NBAS: variants seen among roughly 807,000 people sequenced by gnomAD.
NBAS encodes NAG/BC035112 fusion.
NBAS carries 219 observed loss-of-function variants against 302.5 expected under a neutral mutation model. That is an observed-to-expected ratio of 0.72 (90% CI 0.65 to 0.81). The LOEUF is 0.81. NBAS is among the 30% of genes least tolerant of loss of function. The pLI, the probability that NBAS is intolerant of heterozygous loss-of-function variation, is 0.00. For synonymous variants in NBAS, 1,118 were observed against 1,021.6 expected (o/e 1.09, Z -1.80); for missense variants, 2,932 against 2,841.6 (o/e 1.03, Z -0.72).
chr2:15,224,901 G>A (rs1667091640), intron 47 of NBAS, among the ~76,000 whole-genome samples: 1 of 152,188 alleles, frequency 6.6e-6, no homozygotes, highest in South Asian at 2.1e-4. Context: ...CACTTCCCAG[G>A]AGAATGTCTT....
At chr2:15,374,094 T>C (rs1188764405) in intron 31 of NBAS, among the ~76,000 whole-genome samples, 1 of 152,240 alleles carries the variant, frequency 6.6e-6, no homozygotes, top group Non-Finnish European at 1.5e-5. Context: ...ATAAAAGAAG[T>C]TGAGTAATAT....
the NBAS span, among the ~76,000 whole-genome samples, chr2:14,872,833 G>A: frequency 2.0e-5 from 3 of 151,942 alleles, no homozygotes; most frequent in African/African-American, 7.3e-5. Flanking sequence ...GCAGACCTTC[G>A]TGGTGAGCGT....
At chr2:15,198,095 T>C (rs78057324) in intron 48 of NBAS, among the ~76,000 whole-genome samples, 1 of 152,228 alleles carries the variant, frequency 6.6e-6, no homozygotes, top group Non-Finnish European at 1.5e-5. Context: ...TAGATGGTCA[T>C]ATAAAACCAC....
chr2:15,113,021 A>G, the NBAS span, among the ~76,000 whole-genome samples: 1 of 152,146 alleles, frequency 6.6e-6, no homozygotes, highest in Non-Finnish European at 1.5e-5. Flanking sequence ...GACATAGTAC[A>G]ATGAAAAAAA....
At chr2:15,297,862 C>G (rs1219148917) in intron 40 of NBAS, among the ~76,000 whole-genome samples, 10 of 151,528 alleles carry the variant, frequency 6.6e-5, no homozygotes, top group Non-Finnish European at 1.0e-4. Flanking sequence ...GTGCTTGTGT[C>G]TGTGTGTGTG....
chr2:15,477,948 G>A (rs1376539900), intron 13 of NBAS, among the ~76,000 whole-genome samples: 1 of 152,162 alleles, frequency 6.6e-6, no homozygotes, highest in Non-Finnish European at 1.5e-5. Flanking sequence ...CTTTGATGAA[G>A]CTTGATCTCA....
chr2:15,220,213 T>C (rs1269731617), intron 47 of NBAS, among the ~76,000 whole-genome samples: 10 of 141,262 alleles, frequency 7.1e-5, no homozygotes, highest in Admixed American at 2.1e-4. Context: ...ACGGGGCGGC[T>C]GGCCGGGCAG....
the NBAS span, among the ~76,000 whole-genome samples, chr2:14,953,518 G>A: frequency 9.2e-5 from 14 of 152,212 alleles, no homozygotes; most frequent in Non-Finnish European, 5.9e-5. Context: ...TGATCAGGGC[G>A]AGGATCCCCT....
At position 15,461,244 on chromosome 2, in the gene NBAS, T is replaced by A; in HGVS notation, c.2296A>T (p.Thr766Ser). The change falls in exon 21 of 52, where the codon ACC (threonine) becomes TCC (serine). Residue 766 changes from threonine (T) to serine (S), a missense_variant. Thr to Ser is a moderately conservative substitution (Grantham distance 58). Coordinates refer to ENST00000281513, the MANE Select transcript of NBAS (RefSeq NM_015909.4). Reference sequence around the variant, plus strand: ...ACAGAATATTCATGTGGAGAAGTGGTCTCTGGAAAGTTGGACAGAATTGCA... The same window carrying A: ...ACAGAATATTCATGTGGAGAAGTGGACTCTGGAAAGTTGGACAGAATTGCA... ...RLAILSNFPETTSPHEYSVLL... is the reference protein window; with the variant it reads ...RLAILSNFPESTSPHEYSVLL... 6.2e-7 allele frequency: 1 copy of A among 1,613,858 alleles called. No individual in the cohort carries two copies. The highest frequency in any genetic ancestry group is 8.5e-7 in the Non-Finnish European group (1 of 1,179,860).
chr2:14,803,531 T>C, the NBAS span, among the ~76,000 whole-genome samples: 2 of 152,236 alleles, frequency 1.3e-5, no homozygotes, highest in South Asian at 4.1e-4. Flanking sequence ...TAAGCTGAGA[T>C]AGGAGTTACT....
At chr2:15,282,977 G>A (rs1669889108) in intron 42 of NBAS, among the ~76,000 whole-genome samples, 2 of 151,884 alleles carry the variant, frequency 1.3e-5, no homozygotes, top group African/African-American at 2.4e-5. Context: ...CATCTACTTC[G>A]TGTGCATTTC....
chr2:15,013,429 G>A, the NBAS span, among the ~76,000 whole-genome samples: 36 of 152,128 alleles, frequency 2.4e-4, no homozygotes, highest in African/African-American at 8.2e-4. Context: ...TCACAGGAGT[G>A]AGTCCTCCCT....
At chr2:15,450,177 T>A (rs1678940586) in intron 21 of NBAS, among the ~76,000 whole-genome samples, 1 of 152,152 alleles carries the variant, frequency 6.6e-6, no homozygotes, top group African/African-American at 2.4e-5. Flanking sequence ...CTAGGCTATA[T>A]AAAAGCATAA....
chr2:15,052,732 A>C, the NBAS span, among the ~76,000 whole-genome samples: 3 of 152,244 alleles, frequency 2.0e-5, no homozygotes, highest in Non-Finnish European at 4.4e-5. Flanking sequence ...TGCTCTGATA[A>C]GTTGCATATT....
the NBAS span, among the ~76,000 whole-genome samples, chr2:15,053,607 C>A: frequency 6.6e-6 from 1 of 151,976 alleles, no homozygotes; most frequent in Non-Finnish European, 1.5e-5. Flanking sequence ...CCTGAGTCCT[C>A]CAGAGAAAGG....
At chr2:15,197,188 T>G (rs1057247049) in intron 48 of NBAS, among the ~76,000 whole-genome samples, 1 of 152,196 alleles carries the variant, frequency 6.6e-6, no homozygotes, top group Non-Finnish European at 1.5e-5. Flanking sequence ...CTCAATGCTA[T>G]GTATAAGAGC....
intron 48 of NBAS, among the ~76,000 whole-genome samples, chr2:15,212,902 G>A (rs1220592203): frequency 6.6e-6 from 1 of 152,066 alleles, no homozygotes; most frequent in Non-Finnish European, 1.5e-5. Flanking sequence ...TCCAGTTGCG[G>A]GCAGCTCTTT....
chr2:15,034,713 T>TG, the NBAS span, among the ~76,000 whole-genome samples: 6 of 152,344 alleles, frequency 3.9e-5, no homozygotes, highest in East Asian at 1.2e-3. Flanking sequence ...ATTCATTTTT[T>TG]TAATTCATGT....
the NBAS span, among the ~76,000 whole-genome samples, chr2:14,857,571 G>A: frequency 1.3e-5 from 2 of 152,082 alleles, no homozygotes; most frequent in Admixed American, 1.3e-4. Context: ...CATACATTGG[G>A]GAAAGGACAG....
Sources: gnomAD v4.1 joint callset for allele counts (sites outside exome capture counted in the v4.1 genomes callset) on GRCh38, gnomAD v4.1.1 for gene constraint, MANE v1.5 for transcripts, NCBI Gene and HGNC (gene_info 2026-07-23, HGNC 2026-07-21) for gene names.